RBKS: variants seen among roughly 807,000 people sequenced by gnomAD.
RBKS encodes ribokinase.
Under a neutral mutation model 33.9 loss-of-function variants are expected in RBKS, and 33 were observed. The ratio of observed to expected loss-of-function variants is 0.97; its 90% CI spans 0.74 to 1.30. RBKS has a LOEUF of 1.30. Ranked by LOEUF, RBKS falls within the 50% of genes most tolerant of loss-of-function variation. RBKS has a pLI of 0.00. For missense variants in RBKS, 361 were observed against 392.6 expected (o/e 0.92, Z 0.68); for synonymous variants, 125 against 143.0 (o/e 0.87, Z 0.90).
rs542883428 is a variant in RBKS, at chr2:27,832,624, G to C, written c.606+62C>G. Reference sequence around the variant, plus strand: ...TTGATGTGGTTAGTTCTGCCCCTTTGCTTTATCCACTTGTACAAACTTTTG... The same window carrying C: ...TTGATGTGGTTAGTTCTGCCCCTTTCCTTTATCCACTTGTACAAACTTTTG... On this transcript the variant is annotated intron_variant, in intron 6 of 7. Coordinates refer to ENST00000302188, the MANE Select transcript of RBKS (RefSeq NM_022128.3). 5 of 1,045,312 alleles carry C rather than the reference G, an allele frequency of 4.8e-6. No homozygotes were observed. The East Asian group carries it at 1.2e-4, about 25-fold the overall frequency. The allele number at this position is 1,045,312 out of a possible 1,614,324, so 64.8% of individuals were successfully genotyped here. A position where few individuals can be genotyped will look rare whatever the true frequency, so the allele number is the denominator to read the frequency against.
intron 4 of RBKS, 63 bp from the exon 5 acceptor site, chr2:27,843,294 G>T: frequency 2.3e-6 from 3 of 1,285,902 alleles, no homozygotes; most frequent in Non-Finnish European, 3.3e-6. Flanking sequence ...ATATTCTGCA[G>T]TGTTATGAAT....
chr2:27,799,318 G>T (rs533406583), intron 7 of RBKS, among the ~76,000 whole-genome samples: 5 of 152,140 alleles, frequency 3.3e-5, no homozygotes, highest in Non-Finnish European at 2.9e-5. Flanking sequence ...CAAGAATGAC[G>T]TCACTACCAA....
At chr2:27,866,349 T>C (rs1223685885) in intron 1 of RBKS, among the ~76,000 whole-genome samples, 1 of 152,252 alleles carries the variant, frequency 6.6e-6, no homozygotes, top group Non-Finnish European at 1.5e-5. Context: ...TAAGAGTCTC[T>C]GTTTATAACT....
At chr2:27,781,861 ATTT>A in intron 7 of RBKS, 73 bp from the exon 8 acceptor site, 1 of 1,306,256 alleles carries the variant, frequency 7.7e-7, no homozygotes, top group Non-Finnish European at 1.0e-6. Context: ...TTTTAAAGAT[ATTT>A]AAGTAAACTT....
At chr2:27,783,092 T>G (rs1677320160) in intron 7 of RBKS, among the ~76,000 whole-genome samples, 1 of 152,216 alleles carries the variant, frequency 6.6e-6, no homozygotes, top group African/African-American at 2.4e-5. Flanking sequence ...AGTTGGCTCC[T>G]GTGTCCCTTT....
chr2:27,839,880 C>T (rs1338241713), intron 5 of RBKS, among the ~76,000 whole-genome samples: 1 of 152,114 alleles, frequency 6.6e-6, no homozygotes, highest in Non-Finnish European at 1.5e-5. Flanking sequence ...ATTCTGGTTT[C>T]ACAGAAGAAG....
intron 1 of RBKS, chr2:27,861,668 G>GGT (rs1663990009): frequency 9.3e-6 from 4 of 429,676 alleles, no homozygotes; most frequent in South Asian, 6.9e-5. Context: ...CTTTTTGGGG[G>GGT]GGGGGTGGAG....
At chr2:27,805,316 T>C (rs185965918) in intron 7 of RBKS, among the ~76,000 whole-genome samples, 1 of 152,332 alleles carries the variant, frequency 6.6e-6, no homozygotes, top group African/African-American at 2.4e-5. Context: ...CTTGAGGGCT[T>C]TTCTTTTCGG....
Position 27,797,510 on chromosome 2 carries a change from A to G in RBKS, c.796-15722T>C, listed in dbSNP as rs568611816. ...GTCATCTGTGCAGGAATTCAGCAGC[A>G]GAGCAGATGGAGAAGCTATTTTGGG... On this transcript the variant is annotated intron_variant, in intron 7 of 7. Transcript: ENST00000302188. Among the ~76,000 whole-genome samples, 4 of 152,374 alleles carry G rather than the reference A, an allele frequency of 2.6e-5. No homozygotes were observed. The East Asian group carries it at 7.7e-4, about 29-fold the overall frequency.
intron 7 of RBKS, among the ~76,000 whole-genome samples, chr2:27,812,685 C>A (rs1023591397): frequency 1.3e-5 from 2 of 152,042 alleles, no homozygotes; most frequent in African/African-American, 2.4e-5. Context: ...GGAAGGGGAA[C>A]ATCACACACC....
At chr2:27,789,867 G>GAT (rs1190586852) in intron 7 of RBKS, among the ~76,000 whole-genome samples, 1 of 138,052 alleles carries the variant, frequency 7.2e-6, no homozygotes, top group African/African-American at 2.9e-5. Context: ...CTGGCCAGCT[G>GAT]ATGTGTGTGT....
intron 7 of RBKS, among the ~76,000 whole-genome samples, chr2:27,814,875 A>G (rs1372792094): frequency 3.3e-5 from 5 of 152,222 alleles, no homozygotes; most frequent in African/African-American, 1.2e-4. Flanking sequence ...GGAAGAGGAA[A>G]GCAAGAATGA....
At chr2:27,819,715 A>G (rs1678161576) in intron 7 of RBKS, among the ~76,000 whole-genome samples, 1 of 152,246 alleles carries the variant, frequency 6.6e-6, no homozygotes, top group Non-Finnish European at 1.5e-5. Flanking sequence ...AAGCAGATTC[A>G]TTCATTCAGA....
intron 7 of RBKS, among the ~76,000 whole-genome samples, chr2:27,826,155 T>C (rs535991758): frequency 3.9e-5 from 6 of 152,320 alleles, no homozygotes; most frequent in Admixed American, 3.3e-4. Context: ...GGATGTTAAT[T>C]TCATGTCACA....
At chr2:27,782,901 G>A (rs945487379) in intron 7 of RBKS, among the ~76,000 whole-genome samples, 24 of 152,120 alleles carry the variant, frequency 1.6e-4, no homozygotes, top group African/African-American at 5.8e-4. Context: ...CTCCTTAAGG[G>A]TGGAGTTTCT....
intron 1 of RBKS, among the ~76,000 whole-genome samples, chr2:27,889,347 A>C (rs1664649379): frequency 6.6e-6 from 1 of 152,232 alleles, no homozygotes; most frequent in Admixed American, 6.5e-5. Context: ...AGGACGAATG[A>C]GGTGTTACTG....
chr2:27,879,556 C>G (rs1302003680), intron 1 of RBKS, among the ~76,000 whole-genome samples: 1 of 152,124 alleles, frequency 6.6e-6, no homozygotes, highest in Non-Finnish European at 1.5e-5. Context: ...AATGATATAG[C>G]AATCTCACCA....
chr2:27,890,258 T>A lies in RBKS; in HGVS notation c.88A>T (p.Ser30Cys). 6.2e-7 allele frequency: 1 copy of A among 1,613,578 alleles called. No individual in the cohort carries two copies. Among genetic ancestry groups the A allele is most frequent in the Non-Finnish European group, 8.5e-7 (1 of 1,179,932 alleles). The change falls in exon 1 of 8, where the codon AGT becomes TGT. Residue 30 changes from serine (S) to cysteine (C), a missense_variant and splice_region_variant. Coordinates refer to ENST00000302188, the MANE Select transcript of RBKS (RefSeq NM_022128.3). The surrounding 1 kb of genome is among the most constrained non-coding windows in gnomAD (Gnocchi z 4.8). The part of the protein sequence containing the change: ...VVGSCMTDLV[S>C]LTSRLPKTGE... The stretch of plus-strand genomic sequence containing the variant: ...CTGAGTAACTGGCCCCGGACTAACC[T>A]GACCAGGTCGGTCATGCAGGAGCCC...
chr2:27,842,239 G>A (rs2148210931), intron 5 of RBKS, among the ~76,000 whole-genome samples: 1 of 152,268 alleles, frequency 6.6e-6, no homozygotes, highest in South Asian at 2.1e-4. Context: ...TTTGTTATTT[G>A]CTGGAGGTGA....
Sources: allele counts gnomAD v4.1 joint callset (sites outside exome capture counted in the v4.1 genomes callset), GRCh38; gene constraint gnomAD v4.1.1; non-coding constraint Gnocchi (gnomAD v3.1); transcripts MANE v1.5; gene names NCBI Gene and HGNC (gene_info 2026-07-23, HGNC 2026-07-21).